The following KCTD8 variants were observed in gnomAD, a reference collection of about 807,000 sequenced individuals.
The protein encoded by KCTD8 is potassium channel tetramerization domain containing 8, also known as BTB/POZ domain-containing protein KCTD8.
Under a neutral mutation model 31.5 loss-of-function variants are expected in KCTD8, and 27 were observed. The ratio of observed to expected loss-of-function variants is 0.86; its 90% CI spans 0.63 to 1.18. KCTD8 has a LOEUF of 1.18. Among genes scored for constraint, KCTD8 ranks in the 50% most tolerant of loss-of-function variants. KCTD8 has a pLI of 0.00. For synonymous variants in KCTD8, 290 were observed against 280.0 expected (o/e 1.04, Z -0.36); for missense variants, 658 against 647.7 (o/e 1.02, Z -0.17).
chr4:44,285,221 C>A (rs772830500), intron 1 of KCTD8, among the ~76,000 whole-genome samples: 2 of 152,114 alleles, frequency 1.3e-5, no homozygotes, highest in Non-Finnish European at 2.9e-5. Context: ...TGGAACCAAC[C>A]CAATTGTCCA....
chr4:44,404,513 T>C (rs1346382537), intron 1 of KCTD8, among the ~76,000 whole-genome samples: 1 of 152,154 alleles, frequency 6.6e-6, no homozygotes, highest in African/African-American at 2.4e-5. Context: ...TATTCATCAT[T>C]TCCTAATGGG....
intron 1 of KCTD8, among the ~76,000 whole-genome samples, chr4:44,421,129 G>A (rs1435059476): frequency 6.6e-6 from 1 of 152,010 alleles, no homozygotes; most frequent in Admixed American, 6.6e-5. Flanking sequence ...AGGATCAGTT[G>A]TCTCCATACG....
At chr4:44,381,586 T>C (rs1300103585) in intron 1 of KCTD8, among the ~76,000 whole-genome samples, 1 of 152,092 alleles carries the variant, frequency 6.6e-6, no homozygotes, top group Non-Finnish European at 1.5e-5. Context: ...GTTTGGTTGT[T>C]TGTCCCCTCC....
intron 1 of KCTD8, among the ~76,000 whole-genome samples, chr4:44,388,801 T>C (rs971076113): frequency 6.6e-6 from 1 of 151,762 alleles, no homozygotes; most frequent in Non-Finnish European, 1.5e-5. Context: ...CAAACCCCTA[T>C]GACAAAAGTT....
chr4:44,279,837 T>G (rs1716850681), intron 1 of KCTD8, among the ~76,000 whole-genome samples: 1 of 152,132 alleles, frequency 6.6e-6, no homozygotes, highest in Non-Finnish European at 1.5e-5. Context: ...AACTTTGATA[T>G]GTTGGCTTGT....
At chr4:44,181,925 C>T (rs1159406723) in intron 1 of KCTD8, among the ~76,000 whole-genome samples, 2 of 141,536 alleles carry the variant, frequency 1.4e-5, no homozygotes, top group Non-Finnish European at 3.2e-5. Context: ...AGTGAGGAGC[C>T]CCTCCACCCG....
At chr4:44,388,753 C>T (rs955848279) in intron 1 of KCTD8, among the ~76,000 whole-genome samples, 4 of 151,552 alleles carry the variant, frequency 2.6e-5, no homozygotes, top group Non-Finnish European at 5.9e-5. Context: ...CTAATGAGTG[C>T]TAGGTTTAAT....
At chr4:44,251,591 TA>T (rs973746944) in intron 1 of KCTD8, among the ~76,000 whole-genome samples, 1 of 151,640 alleles carries the variant, frequency 6.6e-6, no homozygotes, top group African/African-American at 2.4e-5. Flanking sequence ...ATATTTGTCT[TA>T]AAGTTACATT....
At chr4:44,408,482 C>CA (rs1275049893) in intron 1 of KCTD8, among the ~76,000 whole-genome samples, 1 of 151,808 alleles carries the variant, frequency 6.6e-6, no homozygotes, top group African/African-American at 2.4e-5. Flanking sequence ...AAAACAAAAA[C>CA]AAAAAAAATT....
chr4:44,215,433 G>A (rs556431039), intron 1 of KCTD8, among the ~76,000 whole-genome samples: 1 of 152,256 alleles, frequency 6.6e-6, no homozygotes, highest in Non-Finnish European at 1.5e-5. Context: ...TAGGATCTTA[G>A]TTGACCTCAG....
chr4:44,339,114 A>T (rs940537307), intron 1 of KCTD8, among the ~76,000 whole-genome samples: 6 of 152,232 alleles, frequency 3.9e-5, no homozygotes, highest in African/African-American at 1.4e-4. Flanking sequence ...TAAAAACTGC[A>T]AAAAGTACTT....
At chr4:44,351,626 C>CTTAA (rs1404846378) in intron 1 of KCTD8, among the ~76,000 whole-genome samples, 4 of 152,048 alleles carry the variant, frequency 2.6e-5, no homozygotes, top group African/African-American at 9.7e-5. Context: ...GTTTTAAGGG[C>CTTAA]TTAAGGTTCA....
chr4:44,293,498 CA>C (rs1278944189), intron 1 of KCTD8: 5 of 452,084 alleles, frequency 1.1e-5, no homozygotes, highest in Non-Finnish European at 2.2e-5. Flanking sequence ...CTAGAGGTAG[CA>C]AAGGTGTAAT....
At chr4:44,282,004 G>A (rs1434533078) in intron 1 of KCTD8, among the ~76,000 whole-genome samples, 1 of 152,046 alleles carries the variant, frequency 6.6e-6, no homozygotes, top group Non-Finnish European at 1.5e-5. Flanking sequence ...TAAATGTAAA[G>A]TTATCCTAAA....
chr4:44,284,473 A>G (rs957510863), intron 1 of KCTD8, among the ~76,000 whole-genome samples: 3 of 152,210 alleles, frequency 2.0e-5, no homozygotes, highest in African/African-American at 7.2e-5. Flanking sequence ...AAATCAACTC[A>G]AGATGGATCA....
intron 1 of KCTD8, among the ~76,000 whole-genome samples, chr4:44,280,234 TCTAA>T (rs1241632398): frequency 6.6e-6 from 1 of 151,980 alleles, no homozygotes; most frequent in African/African-American, 2.4e-5. Flanking sequence ...GAGAGAATCA[TCTAA>T]CTTTTTTTCC....
chr4:44,264,458 C>G (rs890313712), intron 1 of KCTD8, among the ~76,000 whole-genome samples: 2 of 152,136 alleles, frequency 1.3e-5, no homozygotes, highest in Non-Finnish European at 2.9e-5. Flanking sequence ...AGAAGGCAAC[C>G]TAAGAAGACA....
rs1463829886 is a variant in KCTD8, at chr4:44,447,717, G to A, written c.807C>T (p.Phe269=). ...GCTCCAAGTAGGTGAACTTGAGGTA[G>A]AAGCGGGACGTGTACTTCTCCGGCT... is the stretch of plus-strand genomic sequence containing the variant. ...DRQPEKYTSR[F]YLKFTYLEQA... is the part of the protein sequence containing the mutation. The change falls in exon 1 of 2, where the codon TTC becomes TTT. Residue 269 remains phenylalanine (F), a synonymous_variant. Transcript: ENST00000360029. 2 of 1,612,548 alleles carry A rather than the reference G, an allele frequency of 1.2e-6. No individual in the cohort carries two copies. The highest frequency in any genetic ancestry group is 1.7e-6 in the Non-Finnish European group (2 of 1,179,474).
chr4:44,304,061 C>T (rs935742172), intron 1 of KCTD8, among the ~76,000 whole-genome samples: 2 of 152,104 alleles, frequency 1.3e-5, no homozygotes, highest in East Asian at 3.9e-4. Flanking sequence ...CAGACTCTAA[C>T]ATCACCTTAT....
Sources: allele counts gnomAD v4.1 joint callset (sites outside exome capture counted in the v4.1 genomes callset), GRCh38; gene constraint gnomAD v4.1.1; transcripts MANE v1.5; gene names NCBI Gene and HGNC (gene_info 2026-07-23, HGNC 2026-07-21).